FRMD4A: variants seen among roughly 807,000 people sequenced by gnomAD.
The protein encoded by FRMD4A is FERM domain containing 4A.
Under a neutral mutation model 129.1 loss-of-function variants are expected in FRMD4A, and 29 were observed. The observed-to-expected ratio is 0.22, with a 90% CI of 0.17 to 0.31. The LOEUF (loss-of-function observed/expected upper bound fraction) is 0.31, where lower values mean the gene tolerates loss of function less well. Among genes scored for constraint, FRMD4A ranks in the 10% least tolerant of loss-of-function variants. The probability of loss-of-function intolerance (pLI) is 1.00; values close to 1 mark genes in which losing one functional copy is unlikely to be tolerated. For synonymous variants in FRMD4A, 634 were observed against 571.6 expected, an observed-to-expected ratio of 1.11 and a Z score of -1.56; for missense variants, 1,272 against 1,375.8, an observed-to-expected ratio of 0.92 and a Z score of 1.19.
chr10:14,236,219 T>C (rs1403663411), intron 2 of FRMD4A, among the ~76,000 whole-genome samples: 1 of 152,250 alleles, frequency 6.6e-6, no homozygotes, highest in African/African-American at 2.4e-5. Flanking sequence ...CCCCTGTTTA[T>C]AGGTCTTTAG....
intron 11 of FRMD4A, among the ~76,000 whole-genome samples, chr10:13,738,812 G>T (rs1211230965): frequency 6.6e-6 from 1 of 152,104 alleles, no homozygotes; most frequent in African/African-American, 2.4e-5. Flanking sequence ...GTAGAGACAG[G>T]ATTTCACCAT....
At chr10:13,860,998 C>T (rs1006547606) in intron 2 of FRMD4A, among the ~76,000 whole-genome samples, 8 of 152,138 alleles carry the variant, frequency 5.3e-5, no homozygotes, top group Non-Finnish European at 1.5e-5. Context: ...TTTCTCAAGG[C>T]CTGTTAGGTT....
At chr10:14,200,581 G>C (rs939908253) in intron 2 of FRMD4A, among the ~76,000 whole-genome samples, 5 of 152,196 alleles carry the variant, frequency 3.3e-5, no homozygotes, top group African/African-American at 9.6e-5. Context: ...GTGGAGAAGA[G>C]ACACTAAGGG....
chr10:13,647,796 T>G (rs1164159966), intron 24 of FRMD4A: 1 of 151,872 alleles, frequency 6.6e-6, no homozygotes, highest in Non-Finnish European at 1.5e-5. Flanking sequence ...GAAGTAATTC[T>G]TAAATCTTAA....
chr10:13,699,245 T>C (rs888067585), intron 14 of FRMD4A, among the ~76,000 whole-genome samples: 2 of 126,166 alleles, frequency 1.6e-5, no homozygotes, highest in Non-Finnish European at 3.6e-5. Flanking sequence ...TTTTTTTTTT[T>C]TTTGTATTTT....
At chr10:13,973,471 C>A (rs545058266) in intron 2 of FRMD4A, among the ~76,000 whole-genome samples, 3 of 152,302 alleles carry the variant, frequency 2.0e-5, no homozygotes, top group African/African-American at 7.2e-5. Flanking sequence ...CAGGCATGAG[C>A]TACCTCACCT....
chr10:14,154,992 T>C (rs1253082560), intron 2 of FRMD4A, among the ~76,000 whole-genome samples: 1 of 152,212 alleles, frequency 6.6e-6, no homozygotes, highest in Non-Finnish European at 1.5e-5. Context: ...ACTCTTTGTG[T>C]CTTTAAGATT....
chr10:14,145,179 C>T (rs1840015859), intron 2 of FRMD4A, among the ~76,000 whole-genome samples: 1 of 152,198 alleles, frequency 6.6e-6, no homozygotes, highest in South Asian at 2.1e-4. Flanking sequence ...AAGGTGACAG[C>T]ACACAGCAGA....
intron 2 of FRMD4A, among the ~76,000 whole-genome samples, chr10:14,176,600 G>A (rs188592693): frequency 1.3e-4 from 19 of 149,370 alleles, no homozygotes; most frequent in Admixed American, 5.4e-4. Flanking sequence ...TCAGCCTCCC[G>A]AGTAGCTGGG....
chr10:13,925,062 TAAAAAAA>T (rs57484737), intron 2 of FRMD4A, among the ~76,000 whole-genome samples: 1 of 103,236 alleles, frequency 9.7e-6, no homozygotes, highest in Non-Finnish European at 1.9e-5. Flanking sequence ...AGACTCCGTG[TAAAAAAA>T]AAAAAAAAAA....
At chr10:14,094,353 G>A (rs920980783) in intron 2 of FRMD4A, among the ~76,000 whole-genome samples, 2 of 152,182 alleles carry the variant, frequency 1.3e-5, no homozygotes, top group African/African-American at 2.4e-5. Context: ...CCGTGTTAAC[G>A]AGACCCCCTG....
At chr10:13,835,084 C>T (rs942526848) in intron 3 of FRMD4A, among the ~76,000 whole-genome samples, 1 of 152,168 alleles carries the variant, frequency 6.6e-6, no homozygotes, top group African/African-American at 2.4e-5. Flanking sequence ...AATATGCTTT[C>T]TTATCCTTTT....
intron 2 of FRMD4A, among the ~76,000 whole-genome samples, chr10:14,024,251 T>C (rs1832889288): frequency 6.6e-6 from 1 of 152,222 alleles, no homozygotes; most frequent in Non-Finnish European, 1.5e-5. Flanking sequence ...ACTGCACAGT[T>C]GCAGATCAGA....
Position 13,731,911 on chromosome 10 carries a change from G to A in FRMD4A, c.759+5933C>T, listed in dbSNP as rs1302617299. Among the ~76,000 whole-genome samples, 4 of 152,132 alleles carry A rather than the reference G, an allele frequency of 2.6e-5. No individual in the cohort carries two copies. In the South Asian group the frequency reaches 8.3e-4, roughly 32 times the overall value. On this transcript the variant is annotated intron_variant, in intron 12 of 24. Transcript: ENST00000357447. ...AACGTCTCTGAACTCTTCTGAACAC[G>A]CACAAAAGCCAAAATCCAGTCTGCA...
At chr10:13,752,021 C>T (rs2091651113) in intron 8 of FRMD4A, among the ~76,000 whole-genome samples, 1 of 151,976 alleles carries the variant, frequency 6.6e-6, no homozygotes, top group Admixed American at 6.6e-5. Context: ...GTCTCAAAAA[C>T]CAAAAGAATA....
In FRMD4A at chr10:13,660,454, G is replaced by A. The variant is rs745989123; in HGVS notation, c.1760C>T (p.Ser587Phe). The A allele has an allele frequency of 4.3e-6, 7 of 1,614,046 alleles. No individual in the cohort carries two copies. Among genetic ancestry groups the A allele is most frequent in the Admixed American group, 1.7e-5 (1 of 60,030 alleles). The change falls in exon 20 of 25, where the codon TCC becomes TTC. Residue 587 changes from serine to phenylalanine, a missense_variant. Physicochemically the swap from Ser to Phe is radical, Grantham distance 155. Around this residue, in one of 2 missense-constraint regions of FRMD4A, gnomAD observed 972 missense variants for 892.3 expected, o/e 1.09. Coordinates refer to ENST00000357447, the MANE Select transcript of FRMD4A (RefSeq NM_018027.5). ...GTGCATCTGTCGGAGTCCCTCCAGG[G>A]ACTGGGGAGGAGGAGGCCTGTTGTG... ...PSHNRPPPPQ[S>F]LEGLRQMHYH... is the part of the protein sequence containing the mutation.
intron 2 of FRMD4A, among the ~76,000 whole-genome samples, chr10:13,898,104 G>A (rs2094779082): frequency 1.3e-5 from 2 of 151,996 alleles, no homozygotes; most frequent in South Asian, 2.1e-4. Context: ...TGGGTGCGGT[G>A]GCTCATGCCT....
At chr10:14,042,139 A>G (rs1389613148) in intron 2 of FRMD4A, among the ~76,000 whole-genome samples, 2 of 152,234 alleles carry the variant, frequency 1.3e-5, no homozygotes, top group Non-Finnish European at 2.9e-5. Context: ...GCCGTAATAA[A>G]GAAATCGATG....
intron 2 of FRMD4A, among the ~76,000 whole-genome samples, chr10:14,213,481 C>G (rs115919524): frequency 6.6e-6 from 1 of 152,084 alleles, no homozygotes; most frequent in African/African-American, 2.4e-5. Context: ...TCAGTAAAGC[C>G]GGTATTCAAG....
Sources: gnomAD v4.1 joint callset for allele counts (sites outside exome capture counted in the v4.1 genomes callset) on GRCh38, gnomAD v4.1.1 for gene constraint, gnomAD v4.1.1 regional missense constraint, MANE v1.5 for transcripts, NCBI Gene and HGNC (gene_info 2026-07-23, HGNC 2026-07-21) for gene names.